Variants in CAMTA1 observed in about 807,000 individuals in gnomAD.
CAMTA1 encodes the protein calmodulin-binding transcription activator 1.
CAMTA1 carries 27 observed loss-of-function variants against 170.9 expected under a neutral mutation model. The observed-to-expected ratio is 0.16, with a 90% CI of 0.12 to 0.22. CAMTA1 has a LOEUF of 0.22. CAMTA1 is among the 10% of genes least tolerant of loss of function. CAMTA1 has a pLI of 1.00. For synonymous variants in CAMTA1, 833 were observed against 891.5 expected (o/e 0.93, Z 1.17); for missense variants, 1,619 against 2,217.2 (o/e 0.73, Z 5.42).
intron 4 of CAMTA1, among the ~76,000 whole-genome samples, chr1:7,114,400 C>G (rs1644240502): frequency 6.7e-6 from 1 of 149,272 alleles, no homozygotes; most frequent in African/African-American, 2.5e-5. Flanking sequence ...AGAAGAAGAA[C>G]TGTCTTGGGC....
At chr1:7,516,800 A>G (rs1041998861) in intron 6 of CAMTA1, among the ~76,000 whole-genome samples, 1 of 152,206 alleles carries the variant, frequency 6.6e-6, no homozygotes, top group Non-Finnish European at 1.5e-5. Context: ...GCATATTTTT[A>G]GACAAATGGA....
chr1:7,157,773 G>A (rs1646979060), intron 4 of CAMTA1, among the ~76,000 whole-genome samples: 1 of 152,186 alleles, frequency 6.6e-6, no homozygotes, highest in Non-Finnish European at 1.5e-5. Context: ...CATAGTCACT[G>A]AAAACAGAAA....
At chr1:7,236,547 C>T (rs752926437) in intron 4 of CAMTA1, among the ~76,000 whole-genome samples, 2 of 152,200 alleles carry the variant, frequency 1.3e-5, no homozygotes, top group African/African-American at 2.4e-5. Flanking sequence ...CCCTGGTTCT[C>T]CCCTTACCGG....
At chr1:7,419,367 G>T (rs938134468) in intron 5 of CAMTA1, among the ~76,000 whole-genome samples, 11 of 152,134 alleles carry the variant, frequency 7.2e-5, no homozygotes, top group African/African-American at 1.4e-4. Context: ...ATGTTGGCCA[G>T]GCTGGTCTCG....
chr1:7,243,003 T>G (rs2149268407), intron 4 of CAMTA1, among the ~76,000 whole-genome samples: 1 of 152,248 alleles, frequency 6.6e-6, no homozygotes, highest in South Asian at 2.1e-4. Context: ...ACTTGACTTC[T>G]TCTCCCACTG....
At chr1:7,100,328 A>G (rs1178404438) in intron 4 of CAMTA1, among the ~76,000 whole-genome samples, 5 of 152,000 alleles carry the variant, frequency 3.3e-5, no homozygotes, top group Non-Finnish European at 7.4e-5. Context: ...TCATTCCTTT[A>G]CTGTCACTGG....
intron 5 of CAMTA1, among the ~76,000 whole-genome samples, chr1:7,354,358 C>T (rs2084935841): frequency 6.6e-6 from 1 of 151,160 alleles, no homozygotes; most frequent in South Asian, 2.1e-4. Flanking sequence ...ACCGTGTTAG[C>T]CAGGATGGTC....
At position 7,397,055 on chromosome 1, in the gene CAMTA1, G is replaced by A. The variant is rs541679125; in HGVS notation, c.439-70775G>A. The stretch of plus-strand genomic sequence containing the variant: ...AATTCCCTCTTAATTTTTTGGAATC[G>A]TTTGGAAAACATTGGTAATAGTTAT... On this transcript the variant is annotated intron_variant, in intron 5 of 22. Transcript: ENST00000303635. 1.1e-4 allele frequency among the ~76,000 whole-genome samples: 17 copies of A among 152,220 alleles called. No homozygotes were observed. The East Asian group carries it at 1.5e-3, about 14-fold the overall frequency.
chr1:7,651,862 G>A lies in CAMTA1; in HGVS notation c.665-9864G>A, dbSNP rs1353360505. Among the ~76,000 whole-genome samples, 12 of 152,354 alleles carry A rather than the reference G, an allele frequency of 7.9e-5. No individual in the cohort carries two copies. The East Asian group carries it at 1.2e-3, about 15-fold the overall frequency. On this transcript the variant is annotated intron_variant, in intron 7 of 22. Coordinates refer to ENST00000303635, the MANE Select transcript of CAMTA1 (RefSeq NM_015215.4). ...CCAGGCCAGCACGGTGCTGCCACCC[G>A]GTCTCCCACTGTTTCTAAATTCTCG... is the stretch of plus-strand genomic sequence containing the variant.
chr1:6,957,925 A>G (rs4908581), intron 3 of CAMTA1, among the ~76,000 whole-genome samples: 57,634 of 152,058 alleles, frequency 0.38, 11,466 homozygotes, highest in Admixed American at 0.46. Flanking sequence ...AGCAAAGCTG[A>G]GCTGGTCCTA....
chr1:7,198,460 G>A lies in CAMTA1; in HGVS notation c.303-51031G>A, dbSNP rs183600403. On this transcript the variant is annotated intron_variant, in intron 4 of 22. Transcript: ENST00000303635. Reference sequence around the variant, plus strand: ...GTGCCCCTGATGACTCCTGTGGACCGTGTTTGCTGCTGCACTTCAGAAGGT... The same window carrying A: ...GTGCCCCTGATGACTCCTGTGGACCATGTTTGCTGCTGCACTTCAGAAGGT... Among the ~76,000 whole-genome samples the A allele has an allele frequency of 3.9e-3, 587 of 152,146 alleles. 6 individuals carry two copies. The highest frequency in any genetic ancestry group is 5.9e-3 in the Non-Finnish European group (402 of 67,982).
chr1:7,589,002 G>A (rs1290444972), intron 6 of CAMTA1, among the ~76,000 whole-genome samples: 1 of 152,178 alleles, frequency 6.6e-6, no homozygotes, highest in Non-Finnish European at 1.5e-5. Flanking sequence ...TCAGAATTTT[G>A]CGCAGCCAGA....
At chr1:7,150,372 C>T (rs6681261) in intron 4 of CAMTA1, among the ~76,000 whole-genome samples, 7,843 of 152,270 alleles carry the variant, frequency 0.052, 448 homozygotes, top group African/African-American at 0.15. Flanking sequence ...CATCCTCAGA[C>T]GAAACCCCTG....
intron 3 of CAMTA1, among the ~76,000 whole-genome samples, chr1:6,961,760 C>T (rs1367573354): frequency 6.6e-6 from 1 of 152,220 alleles, no homozygotes; most frequent in East Asian, 1.9e-4. Flanking sequence ...AGGACCAGCC[C>T]AGCTTGAATG....
intron 5 of CAMTA1, among the ~76,000 whole-genome samples, chr1:7,285,078 C>T (rs535462852): frequency 5.3e-5 from 8 of 152,346 alleles, no homozygotes; most frequent in South Asian, 4.1e-4. Context: ...TTTGGTCCGG[C>T]GGCCCCAGTG....
chr1:6,943,372 G>T (rs1032802413), intron 3 of CAMTA1, among the ~76,000 whole-genome samples: 4 of 152,100 alleles, frequency 2.6e-5, no homozygotes, highest in African/African-American at 9.7e-5. Flanking sequence ...CCCTGTGGCA[G>T]AGGGGAGGAG....
intron 3 of CAMTA1, among the ~76,000 whole-genome samples, chr1:6,851,870 C>T (rs1186106560): frequency 2.6e-5 from 4 of 151,686 alleles, no homozygotes; most frequent in East Asian, 1.9e-4. Flanking sequence ...AAAAATTAGC[C>T]GGGCGTGGTG....
chr1:7,201,621 C>T (rs1029721238), intron 4 of CAMTA1, among the ~76,000 whole-genome samples: 6 of 152,144 alleles, frequency 3.9e-5, no homozygotes, highest in Non-Finnish European at 8.8e-5. Flanking sequence ...ATGTGAATCT[C>T]CCTGATAGCT....
At chr1:6,984,056 A>AG (rs1250376620) in intron 3 of CAMTA1, among the ~76,000 whole-genome samples, 2 of 162 alleles carry the variant, frequency 0.012, no homozygotes, top group Non-Finnish European at 0.026. Context: ...ATAGATGGAT[A>AG]AATGGGTGGG....
Sources: gnomAD v4.1 joint callset for allele counts (sites outside exome capture counted in the v4.1 genomes callset) on GRCh38, gnomAD v4.1.1 for gene constraint, MANE v1.5 for transcripts, NCBI Gene and HGNC (gene_info 2026-07-23, HGNC 2026-07-21) for gene names.